Variants in TAFA2 observed in about 807,000 individuals in gnomAD.
The protein encoded by TAFA2 is TAFA chemokine like family member 2.
Under a neutral mutation model 18.8 loss-of-function variants are expected in TAFA2, and 7 were observed. The observed-to-expected ratio is 0.37, with a 90% CI of 0.21 to 0.70. TAFA2 has a LOEUF of 0.70. Ranked by LOEUF, TAFA2 falls within the 30% of genes least tolerant of loss-of-function variation. The pLI, the probability that TAFA2 is intolerant of heterozygous loss-of-function variation, is 0.53. For missense variants in TAFA2, 122 were observed against 158.1 expected, an observed-to-expected ratio of 0.77 and a Z score of 1.23; for synonymous variants, 60 against 54.2, an observed-to-expected ratio of 1.11 and a Z score of -0.47.
intron 1 of TAFA2, among the ~76,000 whole-genome samples, chr12:62,133,500 GA>G (rs34342313): frequency 0.098 from 14,837 of 150,654 alleles, 852 homozygotes; most frequent in Admixed American, 0.17. Context: ...AAGAAGGGTA[GA>G]AAAAAAAATA....
chr12:62,122,042 A>C (rs920282993), intron 1 of TAFA2, among the ~76,000 whole-genome samples: 1 of 152,184 alleles, frequency 6.6e-6, no homozygotes, highest in Non-Finnish European at 1.5e-5. Context: ...AACACACAAA[A>C]GGGAACAACA....
chr12:62,178,372 C>T (rs1440795984), intron 1 of TAFA2, among the ~76,000 whole-genome samples: 3 of 152,042 alleles, frequency 2.0e-5, no homozygotes, highest in East Asian at 3.9e-4. Context: ...AAAAGGTCAC[C>T]GTTTATGTTA....
At chr12:61,879,990 T>G in intron 1 of TAFA2, 1 of 802,384 alleles carries the variant, frequency 1.2e-6, no homozygotes, top group South Asian at 1.4e-5. Context: ...GAGATCAACT[T>G]CCTCAGGCAG....
At chr12:61,710,951 GA>G (rs869197840) in intron 4 of TAFA2, among the ~76,000 whole-genome samples, 4 of 134,766 alleles carry the variant, frequency 3.0e-5, no homozygotes, top group Non-Finnish European at 6.5e-5. Flanking sequence ...AATTATATTT[GA>G]AAAAAATCTG....
intron 1 of TAFA2, among the ~76,000 whole-genome samples, chr12:61,909,536 G>A (rs1268143941): frequency 6.6e-6 from 1 of 152,154 alleles, no homozygotes; most frequent in Non-Finnish European, 1.5e-5. Context: ...GAGAAGCAAA[G>A]GAAAAGATGC....
chr12:62,022,221 C>T (rs544302417), intron 1 of TAFA2: 3 of 288,534 alleles, frequency 1.0e-5, no homozygotes, highest in South Asian at 8.5e-5. Context: ...AGAGACCAAG[C>T]GATGAAGAGC....
chr12:62,246,600 T>C (rs1179610419), intron 1 of TAFA2, among the ~76,000 whole-genome samples: 2 of 152,246 alleles, frequency 1.3e-5, no homozygotes, highest in African/African-American at 2.4e-5. Context: ...TGTCACTTTC[T>C]ACTTGTAATT....
At chr12:61,934,261 G>GTAA (rs1877675639) in intron 1 of TAFA2, among the ~76,000 whole-genome samples, 1 of 152,130 alleles carries the variant, frequency 6.6e-6, no homozygotes, top group South Asian at 2.1e-4. Flanking sequence ...GTGGCCTAAG[G>GTAA]TAATACTTAT....
chr12:62,155,498 A>C (rs2062362518), intron 1 of TAFA2, among the ~76,000 whole-genome samples: 1 of 152,228 alleles, frequency 6.6e-6, no homozygotes, highest in Admixed American at 6.5e-5. Context: ...ATCAAGACTA[A>C]GCAAAATGAA....
At chr12:61,884,677 G>A (rs1875294250) in intron 1 of TAFA2, among the ~76,000 whole-genome samples, 1 of 152,012 alleles carries the variant, frequency 6.6e-6, no homozygotes, top group Admixed American at 6.6e-5. Context: ...AATCACTATG[G>A]TACTCCATAT....
intron 1 of TAFA2, among the ~76,000 whole-genome samples, chr12:61,896,973 A>T (rs1294396346): frequency 6.6e-6 from 1 of 152,170 alleles, no homozygotes; most frequent in Admixed American, 6.5e-5. Flanking sequence ...GAGGGTCCAG[A>T]TGATCTCAAA....
chr12:62,083,727 T>C (rs1450142888), intron 1 of TAFA2, among the ~76,000 whole-genome samples: 1 of 152,240 alleles, frequency 6.6e-6, no homozygotes, highest in Non-Finnish European at 1.5e-5. Flanking sequence ...AAATATATTT[T>C]TTTTTGTAGC....
rs532974829 is a variant in TAFA2, at chr12:61,985,991, C to T, written c.-1-118565G>A. 1.3e-3 allele frequency among the ~76,000 whole-genome samples: 198 copies of T among 152,158 alleles called. 1 individual carries two copies. Among genetic ancestry groups the T allele is most frequent in the Middle Eastern group, 3.4e-3 (1 of 294 alleles). On this transcript the variant is annotated intron_variant, in intron 1 of 4. Coordinates refer to ENST00000416284, the MANE Select transcript of TAFA2 (RefSeq NM_178539.5). ...CAGCTACCTCAGCCCACAACCATTG[C>T]CCTTGGATACCATGGTGCTCATGGT...
intron 1 of TAFA2, among the ~76,000 whole-genome samples, chr12:61,912,519 A>G (rs568354844): frequency 1.2e-4 from 18 of 152,330 alleles, no homozygotes; most frequent in African/African-American, 4.3e-4. Context: ...ATAGAAGTTA[A>G]GTCATAACGA....
chr12:62,227,111 C>G (rs2062790223), intron 1 of TAFA2, among the ~76,000 whole-genome samples: 2 of 152,188 alleles, frequency 1.3e-5, no homozygotes, highest in Admixed American at 6.6e-5. Context: ...TTTCCTTATC[C>G]TCACTTTATT....
intron 1 of TAFA2, among the ~76,000 whole-genome samples, chr12:62,224,736 CTTTCAGTTTGGGAAGA>C (rs1342052470): frequency 6.6e-6 from 1 of 152,004 alleles, no homozygotes. Flanking sequence ...TGGGTTCAGA[CTTTCAGTTTGGGAAGA>C]TGAACAAAGT....
At chr12:61,730,638 C>A (rs1049731677) in intron 4 of TAFA2, among the ~76,000 whole-genome samples, 1 of 151,952 alleles carries the variant, frequency 6.6e-6, no homozygotes, top group Non-Finnish European at 1.5e-5. Context: ...ATTCATGTTA[C>A]AAGGGGATTA....
chr12:62,201,904 C>T (rs549872880), intron 1 of TAFA2, among the ~76,000 whole-genome samples: 2 of 152,230 alleles, frequency 1.3e-5, no homozygotes, highest in Non-Finnish European at 2.9e-5. Flanking sequence ...TTTATTATTG[C>T]CTCAATTTCA....
chr12:62,108,124 C>T (rs992787091), intron 1 of TAFA2, among the ~76,000 whole-genome samples: 5 of 152,150 alleles, frequency 3.3e-5, no homozygotes, highest in South Asian at 2.1e-4. Flanking sequence ...TCTCCTAATG[C>T]TATCCCTCCT....
Sources: allele counts gnomAD v4.1 joint callset (sites outside exome capture counted in the v4.1 genomes callset), GRCh38; gene constraint gnomAD v4.1.1; transcripts MANE v1.5; gene names NCBI Gene and HGNC (gene_info 2026-07-23, HGNC 2026-07-21).